The following PAX9 variants were observed in gnomAD, a reference collection of about 807,000 sequenced individuals.
The protein encoded by PAX9 is paired box protein Pax-9.
Under a neutral mutation model 29.1 loss-of-function variants are expected in PAX9, and 6 were observed. That is an observed-to-expected ratio of 0.21 (90% CI 0.11 to 0.41). The LOEUF is 0.41. PAX9 is among the 10% of genes least tolerant of loss of function. The probability of loss-of-function intolerance (pLI) is 1.00; values close to 1 mark genes in which losing one functional copy is unlikely to be tolerated. For synonymous variants in PAX9, 217 were observed against 211.7 expected (o/e 1.03, Z -0.22); for missense variants, 443 against 479.1 (o/e 0.92, Z 0.70).
chr14:36,671,746 A>G (rs1054190913), intron 3 of PAX9, among the ~76,000 whole-genome samples: 2 of 152,176 alleles, frequency 1.3e-5, no homozygotes, highest in African/African-American at 2.4e-5. Context: ...TGTATTTTGA[A>G]CATTTGGAAC....
At chr14:36,657,786 A>G (rs938742441), upstream of PAX9, 59 of 152,180 alleles carry the variant, frequency 3.9e-4, no homozygotes, top group African/African-American at 1.4e-3. Context: ...GAGAAGGTGG[A>G]GAGGCTGCCG....
rs368669343 is a variant in PAX9 at position 36,663,461 on chromosome 14, G to A, written c.569G>A (p.Arg190His). ...PAIPGSVAMPRTWPSSHSVTD... is the reference protein window; with the variant it reads ...PAIPGSVAMPHTWPSSHSVTD... ...ATCCCCGGTTCGGTGGCCATGCCGC[G>A]CACCTGGCCCTCCTCGCACTCCGTC... Residue 190 changes from arginine to histidine, a missense_variant, in exon 2 of 4, where the codon CGC becomes CAC. Physicochemically the swap from Arg to His is conservative, Grantham distance 29. Coordinates refer to ENST00000361487, the MANE Select transcript of PAX9 (RefSeq NM_001372076.1). 1.2e-5 allele frequency: 20 copies of A among 1,612,848 alleles called. No individual in the cohort carries two copies. Among genetic ancestry groups the A allele is most frequent in the African/African-American group, 2.7e-5 (2 of 74,908 alleles).
chr14:36,661,711 A>G (rs1465270596), upstream of PAX9: 5 of 353,510 alleles, frequency 1.4e-5, no homozygotes, highest in Non-Finnish European at 2.6e-5. Flanking sequence ...CCAGGTGGGG[A>G]GCTAGCCTGA....
Position 36,678,837 on chromosome 14 carries a change from G to T in PAX9, c.*2385G>T. Reference sequence around the variant, plus strand: ...TAGGTCTTAACAGTGAATTCACATGGAGTAATTTTTAAAAGATATCAGATA... The same window carrying T: ...TAGGTCTTAACAGTGAATTCACATGTAGTAATTTTTAAAAGATATCAGATA... On this transcript the variant is annotated 3_prime_UTR_variant, in exon 4 of 4. Transcript: ENST00000361487. 1.0e-6 allele frequency: 1 copy of T among 981,332 alleles called. No individual in the cohort carries two copies. Among genetic ancestry groups the T allele is most frequent in the Non-Finnish European group, 1.2e-6 (1 of 819,388 alleles). The allele number at this position is 981,332 out of a possible 1,614,324, so 60.8% of individuals were successfully genotyped here. A position where few individuals can be genotyped will look rare whatever the true frequency, so the allele number is the denominator to read the frequency against.
chr14:36,662,803 C>A, intron 1 of PAX9, 94 bp from the exon 2 acceptor site: 1 of 1,476,476 alleles, frequency 6.8e-7, no homozygotes. Context: ...CGGGTGCGTT[C>A]GCCCAGTCCC....
Position 36,663,439 on chromosome 14 carries a change from C to T in PAX9, c.547C>T (p.Pro183Ser). 1.2e-6 allele frequency: 2 copies of T among 1,613,042 alleles called. No individual in the cohort carries two copies. The highest frequency in any genetic ancestry group is 2.2e-5 in the South Asian group (2 of 91,056). Residue 183 changes from proline (P) to serine (S), a missense_variant, in exon 2 of 4, where the codon CCC becomes TCC. Physicochemically the swap from Pro to Ser is moderately conservative, Grantham distance 74. Coordinates refer to ENST00000361487, the MANE Select transcript of PAX9 (RefSeq NM_001372076.1). ...CACGCCACCCGGGGTGCCTGCCATC[C>T]CCGGTTCGGTGGCCATGCCGCGCAC... Reference protein sequence around the residue: ...VPTPPGVPAIPGSVAMPRTWP... With the variant: ...VPTPPGVPAISGSVAMPRTWP...
At chr14:36,664,001 G>A (rs17104897) in intron 2 of PAX9, among the ~76,000 whole-genome samples, 7,000 of 152,324 alleles carry the variant, frequency 0.046, 212 homozygotes, top group African/African-American at 0.082. Flanking sequence ...GCACGCCTTG[G>A]AAATTGAAGT....
chr14:36,659,636 C>T (rs1014220871), upstream of PAX9, among the ~76,000 whole-genome samples: 3 of 152,186 alleles, frequency 2.0e-5, no homozygotes, highest in African/African-American at 7.2e-5. Flanking sequence ...GGACAGGCCC[C>T]CTGCCCACTG....
Position 36,676,513 on chromosome 14 carries a change from A to T in PAX9, c.*61A>T. On this transcript the variant is annotated 3_prime_UTR_variant, in exon 4 of 4. Coordinates refer to ENST00000361487, the MANE Select transcript of PAX9 (RefSeq NM_001372076.1). ...TCCCTGTCTCAGCACCTCCTCCCCC[A>T]ATTCCCAGGTCTCACATCCCACCCC... 6.3e-7 allele frequency: 1 copy of T among 1,590,488 alleles called. No homozygotes were observed. The highest frequency in any genetic ancestry group is 8.5e-7 in the Non-Finnish European group (1 of 1,171,926).
In PAX9 at chr14:36,676,732, C is replaced by T; in HGVS notation, c.*280C>T. ...TTGCCCACATACTGTCTTAACATAA[C>T]AAAGAAACCTACACCCCTCAAAGGG... On this transcript the variant is annotated 3_prime_UTR_variant, in exon 4 of 4. Coordinates refer to ENST00000361487, the MANE Select transcript of PAX9 (RefSeq NM_001372076.1). 2.1e-6 allele frequency: 1 copy of T among 477,376 alleles called. No homozygotes were observed. Among genetic ancestry groups the T allele is most frequent in the Non-Finnish European group, 3.8e-6 (1 of 260,490 alleles). 29.6% of individuals were successfully genotyped at this position (477,376 alleles called of 1,614,324 possible).
Position 36,666,416 on chromosome 14 carries a change from G to C in PAX9, c.632-46G>C, listed in dbSNP as rs371819672. 37 of 1,593,582 alleles carry C rather than the reference G, an allele frequency of 2.3e-5. No individual in the cohort carries two copies. The Middle Eastern group carries it at 8.1e-4, about 35-fold the overall frequency. On this transcript the variant is annotated intron_variant, in intron 2 of 3. Transcript: ENST00000361487. ...TTGGGTCCCGTCTCAAGAGTGGGGC[G>C]CGCGGGCTGGGCCTCCGGCCTGACA...
Position 36,663,066 on chromosome 14 carries a change from G to A in PAX9, c.174G>A (p.Ala58=), listed in dbSNP as rs1343019162. The change falls in exon 2 of 4, where the codon GCG becomes GCA. Residue 58 remains alanine, a synonymous_variant. Transcript: ENST00000361487. ...VSHGCVSKIL[A]RYNETGSILP... ...ACGGCTGCGTCAGCAAGATCCTGGCGCGATACAACGAGACGGGCTCGATCT... is the reference window on the plus strand; with the variant it reads ...ACGGCTGCGTCAGCAAGATCCTGGCACGATACAACGAGACGGGCTCGATCT... The A allele has an allele frequency of 1.2e-6, 2 of 1,613,904 alleles. No individual in the cohort carries two copies. The highest frequency in any genetic ancestry group is 1.7e-6 in the Non-Finnish European group (2 of 1,180,034).
chr14:36,667,192 A>G (rs1881537732), intron 3 of PAX9, among the ~76,000 whole-genome samples: 1 of 152,174 alleles, frequency 6.6e-6, no homozygotes, highest in Non-Finnish European at 1.5e-5. Flanking sequence ...TTCTCGACTA[A>G]AGGTCACATT....
rs965006983 is a variant in PAX9, at chr14:36,673,026, C to T, written c.772-3172C>T. ...GATTACAGGCACCTGCCACCACACCCGGCTAATTTTTGCGTTTTTAGTAGA... is the reference window on the plus strand; with the variant it reads ...GATTACAGGCACCTGCCACCACACCTGGCTAATTTTTGCGTTTTTAGTAGA... On this transcript the variant is annotated intron_variant, in intron 3 of 3. Transcript: ENST00000361487. 1.1e-4 allele frequency among the ~76,000 whole-genome samples: 17 copies of T among 151,570 alleles called. No individual in the cohort carries two copies. The East Asian group carries it at 2.3e-3, about 21-fold the overall frequency.
chr14:36,659,965 C>A (rs1000733703), upstream of PAX9, among the ~76,000 whole-genome samples: 5 of 152,202 alleles, frequency 3.3e-5, no homozygotes, highest in African/African-American at 1.2e-4. Context: ...ACCCGCCTAG[C>A]AGCCCTGCAG....
intron 3 of PAX9, among the ~76,000 whole-genome samples, chr14:36,673,502 A>G (rs1308121786): frequency 2.6e-5 from 1 of 37,866 alleles, no homozygotes; most frequent in Non-Finnish European, 6.1e-5. Flanking sequence ...TAAAAGTTCA[A>G]TGCAGCATGT....
intron 3 of PAX9, among the ~76,000 whole-genome samples, chr14:36,672,832 TTTTC>T (rs1167746492): frequency 1.4e-5 from 2 of 146,266 alleles, no homozygotes; most frequent in Non-Finnish European, 3.0e-5. Context: ...CCTTTTTCTT[TTTTC>T]TTTCTTTCTT....
chr14:36,658,093 G>A (rs780910697), upstream of PAX9, among the ~76,000 whole-genome samples: 39 of 152,224 alleles, frequency 2.6e-4, no homozygotes, highest in Non-Finnish European at 4.9e-4. Context: ...GTCACTTGCC[G>A]CTGCAGTTTC....
At position 36,666,183 on chromosome 14, in the gene PAX9, G is replaced by A. The variant is rs560129697; in HGVS notation, c.632-279G>A. 2.9e-5 allele frequency: 14 copies of A among 489,502 alleles called. No individual in the cohort carries two copies. The South Asian group carries it at 3.7e-4, about 13-fold the overall frequency. 30.3% of individuals were successfully genotyped at this position (489,502 alleles called of 1,614,324 possible). On this transcript the variant is annotated intron_variant, in intron 2 of 3. Coordinates refer to ENST00000361487, the MANE Select transcript of PAX9 (RefSeq NM_001372076.1). ...TGCCCTGGGAGAGCAAAGGGGCGAA[G>A]GGAAATCAAAAACCGGTTGAAAAAG...
Sources: allele counts gnomAD v4.1 joint callset (sites outside exome capture counted in the v4.1 genomes callset), GRCh38; gene constraint gnomAD v4.1.1; transcripts MANE v1.5; gene names NCBI Gene and HGNC (gene_info 2026-07-23, HGNC 2026-07-21).